SYNE1: variants seen among roughly 807,000 people sequenced by gnomAD.
SYNE1 encodes nesprin-1.
In SYNE1, 616 loss-of-function variants were observed where a neutral mutation model predicts 1,111.0. The observed-to-expected ratio is 0.55, with a 90% CI of 0.52 to 0.59. The LOEUF (loss-of-function observed/expected upper bound fraction) is 0.59. Among genes scored for constraint, SYNE1 ranks in the 20% least tolerant of loss-of-function variants. The probability of loss-of-function intolerance (pLI) is 0.00; values close to 1 mark genes in which losing one functional copy is unlikely to be tolerated. For synonymous variants in SYNE1, 3,855 were observed against 3,825.8 expected (o/e 1.01, Z -0.28); for missense variants, 10,006 against 10,417.0 (o/e 0.96, Z 1.72).
chr6:152,590,195 G>T (rs1293282952), intron 3 of SYNE1, among the ~76,000 whole-genome samples: 1 of 151,276 alleles, frequency 6.6e-6, no homozygotes, highest in Admixed American at 6.6e-5. Context: ...TTCCAAAAGT[G>T]CTGGGATTAC....
At position 152,136,062 on chromosome 6, in the gene SYNE1, C is replaced by A. The variant is rs116419813; in HGVS notation, c.25659+556G>T. Among the ~76,000 whole-genome samples the A allele has an allele frequency of 6.0e-3, 920 of 152,306 alleles. 16 individuals are homozygous for A. Among genetic ancestry groups the A allele is most frequent in the African/African-American group, 0.021 (887 of 41,556 alleles). On this transcript the variant is annotated intron_variant, in intron 141 of 145. Coordinates refer to ENST00000367255, the MANE Select transcript of SYNE1 (RefSeq NM_182961.4). Reference sequence around the variant, plus strand: ...AAGAGCCAAATAAATTCCCTGACTACCCTCTCAAAGTGGCTTTTCTCAGTT... The same window carrying A: ...AAGAGCCAAATAAATTCCCTGACTAACCTCTCAAAGTGGCTTTTCTCAGTT...
intron 39 of SYNE1, among the ~76,000 whole-genome samples, chr6:152,420,971 A>G (rs1417560143): frequency 6.6e-6 from 1 of 152,214 alleles, no homozygotes; most frequent in Non-Finnish European, 1.5e-5. Flanking sequence ...TATAAGTTCA[A>G]TATGTTTTGT....
intron 4 of SYNE1, among the ~76,000 whole-genome samples, chr6:152,535,281 T>C (rs1379793371): frequency 6.6e-6 from 1 of 152,246 alleles, no homozygotes; most frequent in Non-Finnish European, 1.5e-5. Flanking sequence ...CAGTATGTGG[T>C]ACTTTGTTAC....
intron 3 of SYNE1, among the ~76,000 whole-genome samples, chr6:152,598,178 G>A (rs913058109): frequency 2.6e-5 from 4 of 152,034 alleles, no homozygotes; most frequent in Non-Finnish European, 5.9e-5. Context: ...GGAGGGACCC[G>A]GTGGGAGGTA....
intron 55 of SYNE1, among the ~76,000 whole-genome samples, chr6:152,385,137 A>G (rs573319336): frequency 3.4e-4 from 52 of 152,272 alleles, no homozygotes; most frequent in African/African-American, 1.2e-3. Context: ...AAGCAACTAG[A>G]AATTTACTAA....
At chr6:152,272,582 G>A (rs1201715936) in intron 98 of SYNE1, among the ~76,000 whole-genome samples, 1 of 152,120 alleles carries the variant, frequency 6.6e-6, no homozygotes, top group Non-Finnish European at 1.5e-5. Flanking sequence ...ACGTAATTCA[G>A]GAGATCTTAC....
intron 66 of SYNE1, among the ~76,000 whole-genome samples, chr6:152,357,956 C>A (rs1214025178): frequency 6.6e-6 from 1 of 152,164 alleles, no homozygotes; most frequent in African/African-American, 2.4e-5. Context: ...AGCAATGTGG[C>A]AGGTTTTGCT....
chr6:152,569,755 T>A (rs1210158560), intron 3 of SYNE1, among the ~76,000 whole-genome samples: 4 of 152,212 alleles, frequency 2.6e-5, no homozygotes, highest in African/African-American at 4.8e-5. Flanking sequence ...TTCTTGGAGA[T>A]GGCCCTAGAA....
At chr6:152,396,033 T>C (rs779736777) in intron 50 of SYNE1, among the ~76,000 whole-genome samples, 61 of 152,194 alleles carry the variant, frequency 4.0e-4, no homozygotes, top group Non-Finnish European at 7.5e-4. Flanking sequence ...ATTGATTTCA[T>C]AGCTGGTAAT....
chr6:152,314,868 T>C (rs1381248243), intron 87 of SYNE1, among the ~76,000 whole-genome samples: 1 of 146,432 alleles, frequency 6.8e-6, no homozygotes, highest in Non-Finnish European at 1.5e-5. Context: ...CAAGATTCAC[T>C]TGAACCTGCC....
At chr6:152,506,521 CCATTATTATTATTATTAT>C (rs1391831551) in intron 8 of SYNE1, among the ~76,000 whole-genome samples, 1 of 151,516 alleles carries the variant, frequency 6.6e-6, no homozygotes, top group Non-Finnish European at 1.5e-5. Flanking sequence ...TTGTAAGTGT[CCATTATTATTATTATTAT>C]CATTATTATT....
rs1212823311 is a variant in SYNE1 at position 152,362,246 on chromosome 6, A to G, written c.10223T>C (p.Met3408Thr). 6.2e-7 allele frequency: 1 copy of G among 1,614,226 alleles called. No homozygotes were observed. Among genetic ancestry groups the G allele is most frequent in the Non-Finnish European group, 8.5e-7 (1 of 1,180,042 alleles). ...VRQFSGWMDS[M>T]EANLNESERQ... ...TTCTGATTCATTCAGGTTGGCTTCC[A>G]TACTATCCATCCAACCGGAGAACTG... Residue 3408 changes from methionine (M) to threonine (T), a missense_variant, in exon 64 of 146, where the codon ATG becomes ACG. Met to Thr is a moderately conservative substitution (Grantham distance 81, BLOSUM62 -1). Around this residue, in one of 7 missense-constraint regions of SYNE1, gnomAD observed 4,955 missense variants for 5,017.2 expected, o/e 0.99. Coordinates refer to ENST00000367255, the MANE Select transcript of SYNE1 (RefSeq NM_182961.4).
At chr6:152,200,837 C>T (rs918235925) in intron 127 of SYNE1, among the ~76,000 whole-genome samples, 3 of 152,212 alleles carry the variant, frequency 2.0e-5, no homozygotes, top group African/African-American at 7.2e-5. Flanking sequence ...TACCTTTTAA[C>T]TTTCCTAAAT....
chr6:152,159,936 A>G (rs1266993476), intron 131 of SYNE1, among the ~76,000 whole-genome samples: 1 of 152,198 alleles, frequency 6.6e-6, no homozygotes, highest in Non-Finnish European at 1.5e-5. Flanking sequence ...AGCTAGGGTA[A>G]TAATCACTGT....
intron 19 of SYNE1, 33 bp downstream of exon 19, chr6:152,463,320 A>T: frequency 3.1e-6 from 5 of 1,613,378 alleles, no homozygotes; most frequent in Non-Finnish European, 3.4e-6. Flanking sequence ...TAACACATAC[A>T]CGTTGAGGTG....
intron 131 of SYNE1, 49 bp downstream of exon 131, chr6:152,164,114 G>A (rs765535998): frequency 1.2e-6 from 2 of 1,610,564 alleles, no homozygotes; most frequent in East Asian, 2.2e-5. Context: ...CTGGCCAGGA[G>A]GACAGATATT....
intron 3 of SYNE1, among the ~76,000 whole-genome samples, chr6:152,571,111 T>C (rs907973208): frequency 6.6e-6 from 1 of 152,194 alleles, no homozygotes; most frequent in Admixed American, 6.5e-5. Flanking sequence ...TTGACAACTT[T>C]CTATCTCAGT....
chr6:152,610,328 C>T (rs2099627730), intron 3 of SYNE1, among the ~76,000 whole-genome samples: 1 of 152,108 alleles, frequency 6.6e-6, no homozygotes, highest in Non-Finnish European at 1.5e-5. Context: ...AAAACCATGG[C>T]ATGAGAACTT....
intron 13 of SYNE1, among the ~76,000 whole-genome samples, chr6:152,484,038 CAAAAA>C (rs773019397): frequency 3.7e-5 from 2 of 53,522 alleles, no homozygotes; most frequent in Non-Finnish European, 8.1e-5. Flanking sequence ...CTCATCTCTA[CAAAAA>C]AAAAAAAAAA....
Sources: allele counts gnomAD v4.1 joint callset (sites outside exome capture counted in the v4.1 genomes callset), GRCh38; gene constraint gnomAD v4.1.1; regional missense constraint gnomAD v4.1.1; transcripts MANE v1.5; gene names NCBI Gene and HGNC (gene_info 2026-07-23, HGNC 2026-07-21).